Variants in LRRFIP1 observed in about 807,000 individuals in gnomAD.
The protein encoded by LRRFIP1 is LRR binding FLII interacting protein 1.
In LRRFIP1, 62 loss-of-function variants were observed where a neutral mutation model predicts 104.4. The observed-to-expected ratio is 0.59, with a 90% CI of 0.48 to 0.73. LRRFIP1 has a LOEUF of 0.73. LRRFIP1 is among the 30% of genes least tolerant of loss of function. The pLI is 0.00. For missense variants in LRRFIP1, 796 were observed against 824.5 expected (o/e 0.97, Z 0.42); for synonymous variants, 300 against 299.0 (o/e 1.00, Z -0.03).
intron 1 of LRRFIP1, among the ~76,000 whole-genome samples, chr2:237,658,748 C>T (rs1018521479): frequency 1.3e-5 from 2 of 152,158 alleles, no homozygotes; most frequent in Non-Finnish European, 2.9e-5. Context: ...AACTCACTCA[C>T]TATCACCAGA....
At chr2:237,745,291 C>T (rs2057687226) in intron 11 of LRRFIP1, among the ~76,000 whole-genome samples, 1 of 152,142 alleles carries the variant, frequency 6.6e-6, no homozygotes, top group Non-Finnish European at 1.5e-5. Context: ...ATTCGGAAGA[C>T]ACACAAAATG....
chr2:237,774,517 G>T, intron 23 of LRRFIP1, 55 bp downstream of exon 23: 1 of 1,192,494 alleles, frequency 8.4e-7, no homozygotes, highest in Non-Finnish European at 1.2e-6. Context: ...TTTCTCTAGT[G>T]GGGACGGTAC....
chr2:237,744,330 C>G (rs1055753504), intron 11 of LRRFIP1, among the ~76,000 whole-genome samples: 7 of 152,122 alleles, frequency 4.6e-5, no homozygotes, highest in Non-Finnish European at 8.8e-5. Flanking sequence ...TTTTTCCATC[C>G]AAGTCTGGTG....
At chr2:237,730,063 T>C (rs545718657) in intron 8 of LRRFIP1, among the ~76,000 whole-genome samples, 2 of 152,356 alleles carry the variant, frequency 1.3e-5, no homozygotes, top group South Asian at 2.1e-4. Flanking sequence ...CCAGCTCGAA[T>C]GTGAATTGTG....
At chr2:237,690,357 T>A (rs1296492342) in intron 1 of LRRFIP1, among the ~76,000 whole-genome samples, 1 of 152,236 alleles carries the variant, frequency 6.6e-6, no homozygotes, top group Non-Finnish European at 1.5e-5. Flanking sequence ...TTGTGACCAC[T>A]GGTAAAAGTC....
intron 1 of LRRFIP1, among the ~76,000 whole-genome samples, chr2:237,647,703 G>A (rs1041017060): frequency 8.7e-6 from 1 of 115,124 alleles, no homozygotes; most frequent in Non-Finnish European, 2.2e-5. Context: ...CTGTCACCCC[G>A]TGGCCGGCCA....
intron 7 of LRRFIP1, among the ~76,000 whole-genome samples, chr2:237,727,337 CAG>C (rs2094797627): frequency 7.2e-6 from 1 of 139,332 alleles, no homozygotes; most frequent in African/African-American, 2.7e-5. Context: ...GCCTGGGCGA[CAG>C]AGCGAGACTC....
chr2:237,745,810 G>A (rs532671324), intron 11 of LRRFIP1, among the ~76,000 whole-genome samples: 13 of 152,230 alleles, frequency 8.5e-5, no homozygotes, highest in Non-Finnish European at 1.8e-4. Context: ...TTACACCGTG[G>A]AGCAAACATG....
intron 7 of LRRFIP1, among the ~76,000 whole-genome samples, chr2:237,726,542 A>G (rs79687147): frequency 0.013 from 2,019 of 152,290 alleles, 27 homozygotes; most frequent in African/African-American, 0.045. Context: ...TTTTCATCTC[A>G]TTTAATCCTC....
At chr2:237,687,053 G>A (rs1392530962) in intron 1 of LRRFIP1, among the ~76,000 whole-genome samples, 1 of 152,254 alleles carries the variant, frequency 6.6e-6, no homozygotes, top group East Asian at 1.9e-4. Context: ...CCCCTGGATG[G>A]CTGGGAGGAA....
chr2:237,734,041 C>G lies in LRRFIP1; in HGVS notation c.489+223C>G, dbSNP rs1470558391. 3.3e-5 allele frequency among the ~76,000 whole-genome samples: 5 copies of G among 152,156 alleles called. No homozygotes were observed. In the East Asian group the frequency reaches 9.6e-4, roughly 29 times the overall value. On this transcript the variant is annotated intron_variant, in intron 9 of 23. Transcript: ENST00000308482. ...CTGTAGCTGCCACACTGCTCTGTCT[C>G]CAGGAAGCCTTGTGTTTGCTGGGAT... is the stretch of plus-strand genomic sequence containing the variant.
At position 237,769,930 on chromosome 2, in the gene LRRFIP1, G is replaced by T. The variant is rs2060480604; in HGVS notation, c.1460-13G>T. On this transcript the variant is annotated splice_polypyrimidine_tract_variant and intron_variant, in intron 19 of 23. Transcript: ENST00000308482. ...CGGATTCACCTAAACCTGTGTCTTT[G>T]TGATTTCTTTAGATATTAGGTTGAA... 6.3e-7 allele frequency: 1 copy of T among 1,591,596 alleles called. No individual in the cohort carries two copies. The highest frequency in any genetic ancestry group is 1.3e-5 in the African/African-American group (1 of 74,838).
intron 1 of LRRFIP1, among the ~76,000 whole-genome samples, chr2:237,635,665 AT>A (rs1030420555): frequency 6.6e-6 from 1 of 151,962 alleles, no homozygotes; most frequent in Non-Finnish European, 1.5e-5. Context: ...TTAAAAATAT[AT>A]TTTTTTTATT....
chr2:237,654,955 A>G (rs1042250419), intron 1 of LRRFIP1, among the ~76,000 whole-genome samples: 3 of 152,106 alleles, frequency 2.0e-5, no homozygotes, highest in Admixed American at 1.3e-4. Context: ...GATAAAGAAA[A>G]TGTGGTATCG....
intron 23 of LRRFIP1, among the ~76,000 whole-genome samples, chr2:237,775,026 G>A (rs2060958914): frequency 6.6e-6 from 1 of 152,276 alleles, no homozygotes; most frequent in Admixed American, 6.5e-5. Flanking sequence ...AATATTTACA[G>A]CACCCGTTGC....
In LRRFIP1 at chr2:237,739,302, G is replaced by A; in HGVS notation, c.626G>A (p.Ser209Asn). 3 of 1,558,944 alleles carry A rather than the reference G, an allele frequency of 1.9e-6. No individual in the cohort carries two copies. Among genetic ancestry groups the A allele is most frequent in the Non-Finnish European group, 2.6e-6 (3 of 1,152,530 alleles). ...TCCAGGGCCAGCTCGGCCCGGGCCA[G>A]CCCTGTGGTAAGTCGGCCTCCTGGC... is the stretch of plus-strand genomic sequence containing the variant. ...ASSRASSARA[S>N]PVVEERPEKD... The change falls in exon 11 of 24, where the codon AGC becomes AAC. Residue 209 changes from serine (S) to asparagine (N), a missense_variant. Transcript: ENST00000308482.
chr2:237,753,374 T>C lies in LRRFIP1; in HGVS notation c.933T>C (p.Asn311=), dbSNP rs765677415. 1 of 1,606,950 alleles carries C rather than the reference T, an allele frequency of 6.2e-7. No individual in the cohort carries two copies. The highest frequency in any genetic ancestry group is 1.7e-5 in the Admixed American group (1 of 57,602). The change falls in exon 15 of 24, where the codon AAT becomes AAC. Residue 311 remains asparagine, a synonymous_variant. Coordinates refer to ENST00000308482, the MANE Select transcript of LRRFIP1 (RefSeq NM_001137550.2). The part of the protein sequence containing the change: ...KAMVSNAQLD[N]EKTNFMYQVD... Reference sequence around the variant, plus strand: ...TGGTTTCCAATGCTCAGCTAGACAATGAAAAGACAAACTTCATGTACCAGG... The same window carrying C: ...TGGTTTCCAATGCTCAGCTAGACAACGAAAAGACAAACTTCATGTACCAGG...
chr2:237,680,251 G>C (rs1258200548), intron 1 of LRRFIP1, among the ~76,000 whole-genome samples: 1 of 152,196 alleles, frequency 6.6e-6, no homozygotes, highest in Admixed American at 6.5e-5. Flanking sequence ...CAGCACTTGG[G>C]AAGGCCAAGA....
rs539770057 is a variant in LRRFIP1, at chr2:237,717,622, C to T, written c.202-140C>T. On this transcript the variant is annotated intron_variant, in intron 3 of 23. Coordinates refer to ENST00000308482, the MANE Select transcript of LRRFIP1 (RefSeq NM_001137550.2). This position sits in a 1 kb window ranked among gnomAD's most constrained non-coding sequence, Gnocchi z 4.2. ...CCTGTGGAGAAGCCAGGCCTGGTGC[C>T]GACTGCTTTGCCTTGGCGTGTTACC... The T allele has an allele frequency of 7.0e-5, 52 of 747,454 alleles. No individual in the cohort carries two copies. In the East Asian group the frequency reaches 7.6e-4, roughly 11 times the overall value. 46.3% of individuals were successfully genotyped at this position (747,454 alleles called of 1,614,324 possible). A position where few individuals can be genotyped will look rare whatever the true frequency, so the allele number is the denominator to read the frequency against.
Sources: allele counts gnomAD v4.1 joint callset (sites outside exome capture counted in the v4.1 genomes callset), GRCh38; gene constraint gnomAD v4.1.1; non-coding constraint Gnocchi (gnomAD v3.1); transcripts MANE v1.5; gene names NCBI Gene and HGNC (gene_info 2026-07-23, HGNC 2026-07-21).